Variants in RASGRF2 observed in about 807,000 individuals in gnomAD.
The protein encoded by RASGRF2 is ras-specific guanine nucleotide-releasing factor 2.
RASGRF2 carries 76 observed loss-of-function variants against 151.0 expected under a neutral mutation model. The observed-to-expected ratio is 0.50, with a 90% CI of 0.42 to 0.61. The LOEUF (loss-of-function observed/expected upper bound fraction) is 0.61, where lower values mean the gene tolerates loss of function less well. RASGRF2 is among the 20% of genes least tolerant of loss of function. RASGRF2 has a pLI of 0.00. For synonymous variants in RASGRF2, 504 were observed against 566.5 expected, an observed-to-expected ratio of 0.89 and a Z score of 1.57; for missense variants, 1,148 against 1,564.6, an observed-to-expected ratio of 0.73 and a Z score of 4.49.
chr5:81,216,357 ACACACACACACG>A lies in RASGRF2; in HGVS notation c.3434+414_3434+425del, dbSNP rs1439732421. Among the ~76,000 whole-genome samples the A allele has an allele frequency of 3.7e-3, 490 of 132,402 alleles. 6 individuals are homozygous for A. Among genetic ancestry groups the A allele is most frequent in the African/African-American group, 0.013 (469 of 34,954 alleles). 86.9% of individuals were successfully genotyped at this position (132,402 alleles called of 152,430 possible). ...TAGATTATTCCCTTTCTACACACAC[ACACACACACACG>A]CACACACACACACACAAACACACAC... On this transcript the variant is annotated intron_variant, in intron 24 of 26. Transcript: ENST00000265080.
At chr5:81,193,378 C>T (rs573139604) in intron 18 of RASGRF2, among the ~76,000 whole-genome samples, 38 of 152,184 alleles carry the variant, frequency 2.5e-4, no homozygotes, top group Non-Finnish European at 5.3e-4. Context: ...AGACTGGAAA[C>T]CACAGTTTCC....
chr5:80,985,334 A>G (rs1431790558), intron 1 of RASGRF2, among the ~76,000 whole-genome samples: 2 of 152,218 alleles, frequency 1.3e-5, no homozygotes, highest in Non-Finnish European at 2.9e-5. Context: ...GCTTATTTAT[A>G]TGGTCTATTT....
chr5:80,989,580 TTTGGCGC>T, intron 1 of RASGRF2, among the ~76,000 whole-genome samples: 1 of 152,192 alleles, frequency 6.6e-6, no homozygotes, highest in Non-Finnish European at 1.5e-5. Context: ...TGTTGCAGAC[TTTGGCGC>T]TACTACTGTA....
chr5:81,044,302 T>C (rs866915776), intron 2 of RASGRF2, among the ~76,000 whole-genome samples: 1 of 151,978 alleles, frequency 6.6e-6, no homozygotes, highest in African/African-American at 2.4e-5. Flanking sequence ...CCTGTAGTCC[T>C]AGCTACTTGG....
In RASGRF2 at chr5:81,227,629, ATG is replaced by A. The variant is rs1275277469; in HGVS notation, c.*1861_*1862del. On this transcript the variant is annotated 3_prime_UTR_variant, in exon 27 of 27. Coordinates refer to ENST00000265080, the MANE Select transcript of RASGRF2 (RefSeq NM_006909.3). ...CCAGAAACTGAGGGTTTGAAATAAT[ATG>A]TATCAGTTGCACCAAACACCTCAAG... 2 of 152,362 alleles carry A rather than the reference ATG, an allele frequency of 1.3e-5. No individual in the cohort carries two copies. The highest frequency in any genetic ancestry group is 4.8e-5 in the African/African-American group (2 of 41,578). The allele number at this position is 152,362 out of a possible 1,614,324, so 9.4% of individuals were successfully genotyped here.
chr5:81,190,457 G>A (rs1755132444), intron 18 of RASGRF2, among the ~76,000 whole-genome samples: 1 of 152,176 alleles, frequency 6.6e-6, no homozygotes, highest in Non-Finnish European at 1.5e-5. Flanking sequence ...TTGTTAGCTT[G>A]CTAGTTTCCA....
chr5:81,190,766 T>A lies in RASGRF2; in HGVS notation c.2793+10485T>A, dbSNP rs142982278. Among the ~76,000 whole-genome samples, 166 of 152,314 alleles carry A rather than the reference T, an allele frequency of 1.1e-3. No homozygotes were observed. The East Asian group carries it at 0.025, about 22-fold the overall frequency. On this transcript the variant is annotated intron_variant, in intron 18 of 26. Coordinates refer to ENST00000265080, the MANE Select transcript of RASGRF2 (RefSeq NM_006909.3). ...TACAGTGAGACATTTACAGCAGGAT[T>A]TATTAAGCTAGCATAAGCTAGATTT...
At chr5:81,157,286 C>G (rs189616628) in intron 17 of RASGRF2, among the ~76,000 whole-genome samples, 1 of 144,640 alleles carries the variant, frequency 6.9e-6, no homozygotes, top group Non-Finnish European at 1.5e-5. Context: ...ACCCAGGAGG[C>G]GGGAGGTTGC....
intron 1 of RASGRF2, among the ~76,000 whole-genome samples, chr5:80,974,460 T>C (rs771630436): frequency 6.6e-6 from 1 of 152,200 alleles, no homozygotes; most frequent in Non-Finnish European, 1.5e-5. Flanking sequence ...AAACCATCGG[T>C]GAACTAGGCC....
intron 1 of RASGRF2, among the ~76,000 whole-genome samples, chr5:81,017,621 G>C (rs1192370863): frequency 6.6e-6 from 1 of 152,170 alleles, no homozygotes; most frequent in East Asian, 1.9e-4. Context: ...AACGTACTGT[G>C]TAACCATGAT....
At chr5:81,131,197 A>G (rs1753608657) in intron 17 of RASGRF2, among the ~76,000 whole-genome samples, 1 of 152,108 alleles carries the variant, frequency 6.6e-6, no homozygotes. Flanking sequence ...TTTTTTTGCA[A>G]GGAGGTCAAG....
intron 19 of RASGRF2, among the ~76,000 whole-genome samples, chr5:81,205,619 T>C (rs1755488605): frequency 6.6e-6 from 1 of 152,262 alleles, no homozygotes; most frequent in South Asian, 2.1e-4. Context: ...TCATCATTAC[T>C]TCTTTTAAAA....
chr5:81,189,588 G>A (rs1047238977), intron 18 of RASGRF2, among the ~76,000 whole-genome samples: 2 of 151,106 alleles, frequency 1.3e-5, no homozygotes, highest in Non-Finnish European at 2.9e-5. Flanking sequence ...CCTACCCCTT[G>A]CCTCAAGTGA....
intron 1 of RASGRF2, among the ~76,000 whole-genome samples, chr5:80,968,945 A>G (rs942769431): frequency 6.6e-6 from 1 of 151,962 alleles, no homozygotes; most frequent in Non-Finnish European, 1.5e-5. Flanking sequence ...TGGCCTCCCA[A>G]AGTGCTGAGA....
intron 1 of RASGRF2, among the ~76,000 whole-genome samples, chr5:80,977,449 T>TTTTATTTATTTATTTA (rs56140758): frequency 0.02 from 3,007 of 150,282 alleles, 56 homozygotes; most frequent in African/African-American, 0.052. Flanking sequence ...GCTACCAAAA[T>TTTTATTTATTTATTTA]TTTATTTATT....
chr5:81,024,109 G>A (rs1259532446), intron 1 of RASGRF2, among the ~76,000 whole-genome samples: 1 of 152,074 alleles, frequency 6.6e-6, no homozygotes, highest in Non-Finnish European at 1.5e-5. Context: ...AAGCGTGGTG[G>A]ATTATCTCAT....
chr5:81,012,643 G>T (rs1181710037), intron 1 of RASGRF2, among the ~76,000 whole-genome samples: 2 of 152,256 alleles, frequency 1.3e-5, no homozygotes, highest in East Asian at 3.9e-4. Context: ...TGATGTAAAG[G>T]TCCAGCCACT....
chr5:81,076,826 T>A (rs959964376), intron 5 of RASGRF2, among the ~76,000 whole-genome samples: 1 of 152,226 alleles, frequency 6.6e-6, no homozygotes, highest in African/African-American at 2.4e-5. Flanking sequence ...TGGGAAGCAC[T>A]GAGAGCTTGT....
At position 81,079,744 on chromosome 5, in the gene RASGRF2, T is replaced by G. The variant is rs544256760; in HGVS notation, c.888-377T>G. Among the ~76,000 whole-genome samples the G allele has an allele frequency of 2.0e-5, 3 of 152,340 alleles. No individual in the cohort carries two copies. The South Asian group carries it at 6.2e-4, about 32-fold the overall frequency. ...CTCCTTCTGTCAAAACTCATTTTAC[T>G]GACAGAGAAACTTTCTCCTGAGTTA... On this transcript the variant is annotated intron_variant, in intron 5 of 26. Transcript: ENST00000265080.
Sources: allele counts gnomAD v4.1 joint callset (sites outside exome capture counted in the v4.1 genomes callset), GRCh38; gene constraint gnomAD v4.1.1; transcripts MANE v1.5; gene names NCBI Gene and HGNC (gene_info 2026-07-23, HGNC 2026-07-21).